PDE3B: variants seen among roughly 807,000 people sequenced by gnomAD.
PDE3B encodes the protein cGMP-inhibited 3',5'-cyclic phosphodiesterase 3B.
Under a neutral mutation model 116.8 loss-of-function variants are expected in PDE3B, and 66 were observed. The observed-to-expected ratio is 0.56, with a 90% CI of 0.46 to 0.69. The LOEUF (loss-of-function observed/expected upper bound fraction) is 0.69. Among genes scored for constraint, PDE3B ranks in the 30% least tolerant of loss-of-function variants. The pLI, the probability that PDE3B is intolerant of heterozygous loss-of-function variation, is 0.00. For synonymous variants in PDE3B, 595 were observed against 533.6 expected, an observed-to-expected ratio of 1.12 and a Z score of -1.59; for missense variants, 1,384 against 1,368.1, an observed-to-expected ratio of 1.01 and a Z score of -0.18.
At chr11:14,849,018 T>C (rs935740209) in intron 12 of PDE3B, among the ~76,000 whole-genome samples, 6 of 150,874 alleles carry the variant, frequency 4.0e-5, no homozygotes, top group Non-Finnish European at 7.4e-5. Context: ...AAAAAGAGCC[T>C]GCATCGCCAA....
intron 5 of PDE3B, among the ~76,000 whole-genome samples, chr11:14,815,125 A>T (rs1213890375): frequency 6.6e-6 from 1 of 152,054 alleles, no homozygotes; most frequent in Non-Finnish European, 1.5e-5. Flanking sequence ...CGATAGAGTG[A>T]GACTCCATCA....
At chr11:14,718,004 G>A (rs1445695471) in intron 1 of PDE3B, among the ~76,000 whole-genome samples, 6 of 149,488 alleles carry the variant, frequency 4.0e-5, no homozygotes, top group Non-Finnish European at 9.0e-5. Context: ...AGACCCATCA[G>A]TGTGCTGTAT....
chr11:14,834,902 A>C, intron 10 of PDE3B, 80 bp from the exon 11 acceptor site: 1 of 654,028 alleles, frequency 1.5e-6, no homozygotes, highest in Non-Finnish European at 2.7e-6. Flanking sequence ...TTTTATGAGG[A>C]TATAGTATGA....
intron 1 of PDE3B, among the ~76,000 whole-genome samples, chr11:14,708,326 T>A (rs1855592851): frequency 6.6e-6 from 1 of 152,078 alleles, no homozygotes; most frequent in African/African-American, 2.4e-5. Flanking sequence ...TGTCCATTCT[T>A]GAACTTTCCA....
At chr11:14,776,349 C>T (rs1857784483) in intron 2 of PDE3B, 1 of 152,238 alleles carries the variant, frequency 6.6e-6, no homozygotes, top group Non-Finnish European at 1.5e-5. Context: ...GCCAGTGTGC[C>T]TGGCAAGGGG....
At position 14,871,276 on chromosome 11, in the gene PDE3B, G is replaced by C. The variant is rs571572284; in HGVS notation, c.*1616G>C. 12 of 152,138 alleles carry C rather than the reference G, an allele frequency of 7.9e-5. No homozygotes were observed. The highest frequency in any genetic ancestry group is 1.6e-4 in the Non-Finnish European group (11 of 67,998). 9.4% of individuals were successfully genotyped at this position (152,138 alleles called of 1,614,324 possible). Reference sequence around the variant, plus strand: ...TTATTAGACGTGTTGAGTGAGTGCTGAGTTCCTTGCTGCCACTTTTGTTAC... The same window carrying C: ...TTATTAGACGTGTTGAGTGAGTGCTCAGTTCCTTGCTGCCACTTTTGTTAC... On this transcript the variant is annotated 3_prime_UTR_variant, in exon 16 of 16. Coordinates refer to ENST00000282096, the MANE Select transcript of PDE3B (RefSeq NM_000922.4).
chr11:14,860,992 T>C (rs920893341), intron 13 of PDE3B, among the ~76,000 whole-genome samples: 2 of 152,168 alleles, frequency 1.3e-5, no homozygotes, highest in Admixed American at 6.5e-5. Flanking sequence ...TGGTTAGTTA[T>C]ATGTTTTGCT....
At chr11:14,860,148 A>G (rs1555006859) in intron 13 of PDE3B, among the ~76,000 whole-genome samples, 1 of 152,216 alleles carries the variant, frequency 6.6e-6, no homozygotes, top group East Asian at 1.9e-4. Flanking sequence ...ATAGTTGTAT[A>G]GTCTTATTCA....
chr11:14,661,841 G>A (rs112388171), intron 1 of PDE3B, among the ~76,000 whole-genome samples: 1 of 152,174 alleles, frequency 6.6e-6, no homozygotes, highest in Non-Finnish European at 1.5e-5. Context: ...GGTTCAAGGA[G>A]GCCTGCCTGC....
Position 14,786,599 on chromosome 11 carries a change from A to G in PDE3B, c.1192A>G (p.Ile398Val), listed in dbSNP as rs1590144221. The change falls in exon 3 of 16, where the codon ATT becomes GTT. Residue 398 changes from isoleucine (I) to valine (V), a missense_variant. Physicochemically the swap from Ile to Val is conservative, Grantham distance 29. This residue lies in a region of PDE3B where 956 missense variants were observed against 806.8 expected (regional missense o/e 1.18). Transcript: ENST00000282096. ...GAFSGSCRPKINPLTPFPGFY... is the reference protein window; with the variant it reads ...GAFSGSCRPKVNPLTPFPGFY... Reference sequence around the variant, plus strand: ...TTTCTCAGGTTCCTGTAGGCCAAAGATTAATCCTCTCACACCATTTCCTGG... The same window carrying G: ...TTTCTCAGGTTCCTGTAGGCCAAAGGTTAATCCTCTCACACCATTTCCTGG... 1 of 1,612,890 alleles carries G rather than the reference A, an allele frequency of 6.2e-7. No individual in the cohort carries two copies. The highest frequency in any genetic ancestry group is 8.5e-7 in the Non-Finnish European group (1 of 1,179,040).
intron 1 of PDE3B, among the ~76,000 whole-genome samples, chr11:14,707,764 C>A (rs572185050): frequency 2.0e-5 from 3 of 151,904 alleles, no homozygotes; most frequent in African/African-American, 7.2e-5. Flanking sequence ...GGGTTTTCCC[C>A]CTGTATATAT....
chr11:14,891,613 G>T, the PDE3B span: 8 of 1,064,278 alleles, frequency 7.5e-6, no homozygotes, highest in Admixed American at 1.5e-4. Context: ...AGGCCGACTC[G>T]CAAGACGCCC....
chr11:14,651,847 T>G (rs1590031404), intron 1 of PDE3B, among the ~76,000 whole-genome samples: 1 of 152,326 alleles, frequency 6.6e-6, no homozygotes, highest in East Asian at 1.9e-4. Context: ...CTATTATGTT[T>G]GATTTGTTAG....
chr11:14,772,183 G>A, intron 2 of PDE3B, 196 bp downstream of exon 2: 10 of 292,456 alleles, frequency 3.4e-5, no homozygotes, highest in South Asian at 3.1e-4. Flanking sequence ...TAATTATAAG[G>A]GAAAAAGAAA....
At chr11:14,716,011 G>C (rs1436889424) in intron 1 of PDE3B, among the ~76,000 whole-genome samples, 16 of 151,040 alleles carry the variant, frequency 1.1e-4, no homozygotes, top group East Asian at 7.8e-4. Flanking sequence ...TGAGGTACCG[G>C]GTTCATCTCA....
intron 1 of PDE3B, among the ~76,000 whole-genome samples, chr11:14,768,320 A>G (rs1425009563): frequency 1.3e-5 from 2 of 151,672 alleles, no homozygotes; most frequent in Non-Finnish European, 1.5e-5. Context: ...TTAACATTGA[A>G]GTTCCCTGTA....
At chr11:14,886,142 C>CAGTATAAT in the PDE3B span, 1 of 546,826 alleles carries the variant, frequency 1.8e-6, no homozygotes. Flanking sequence ...CACAGTCTTA[C>CAGTATAAT]CAACAGTATA....
At chr11:14,712,595 C>T (rs1855741974) in intron 1 of PDE3B, among the ~76,000 whole-genome samples, 1 of 151,096 alleles carries the variant, frequency 6.6e-6, no homozygotes, top group Non-Finnish European at 1.5e-5. Flanking sequence ...CTGCCTCAGC[C>T]TCCCGAGTAG....
chr11:14,805,266 G>A (rs1565145134), intron 5 of PDE3B, among the ~76,000 whole-genome samples: 1 of 152,076 alleles, frequency 6.6e-6, no homozygotes, highest in Non-Finnish European at 1.5e-5. Context: ...ATTTTTCAAG[G>A]AACAACAATA....
Sources: gnomAD v4.1 joint callset for allele counts (sites outside exome capture counted in the v4.1 genomes callset) on GRCh38, gnomAD v4.1.1 for gene constraint, gnomAD v4.1.1 regional missense constraint, MANE v1.5 for transcripts, NCBI Gene and HGNC (gene_info 2026-07-23, HGNC 2026-07-21) for gene names.